Variants in TET2 observed in about 807,000 individuals in gnomAD.
The protein encoded by TET2 is tet methylcytosine dioxygenase 2, also known as methylcytosine dioxygenase TET2.
In TET2, 299 loss-of-function variants were observed where a neutral mutation model predicts 142.9. The ratio of observed to expected loss-of-function variants is 2.09; its 90% CI spans 1.90 to 2.30. The LOEUF (loss-of-function observed/expected upper bound fraction) is 2.30. TET2 is among the 30% of genes most tolerant of loss of function. The pLI is 0.00. For missense variants in TET2, 2,418 were observed against 2,378.0 expected (o/e 1.02, Z -0.35); for synonymous variants, 819 against 849.0 (o/e 0.96, Z 0.61).
In TET2 at chr4:105,237,295, AT is replaced by A; in HGVS notation, c.3356del (p.Leu1119TyrfsTer18). Reference sequence around the variant, plus strand: ...AAATTACTAGATACTCCTATAAAAAATTTATTGGATACACCTGTCAAGACTC... The same window carrying A: ...AAATTACTAGATACTCCTATAAAAAATTATTGGATACACCTGTCAAGACTC... ...PSKLLDTPIK[N>X]LLDTPVKTQY... On this transcript the variant is annotated frameshift_variant, in exon 3 of 11. Coordinates refer to ENST00000380013, the MANE Select transcript of TET2 (RefSeq NM_001127208.3). LOFTEE classifies it high-confidence loss of function. The A allele has an allele frequency of 6.2e-7, 1 of 1,614,148 alleles. No homozygotes were observed. The highest frequency in any genetic ancestry group is 8.5e-7 in the Non-Finnish European group (1 of 1,179,972).
At position 105,278,179 on chromosome 4, in the gene TET2, T is replaced by TATATATATAC. The variant is rs1731305846; in HGVS notation, c.*1669_*1670insCATATATATA. ...AAAAAATTAAATATATACATATATA[T>TATATATATAC]ATATATATATATATATATATATATG... On this transcript the variant is annotated 3_prime_UTR_variant, in exon 11 of 11. Coordinates refer to ENST00000380013, the MANE Select transcript of TET2 (RefSeq NM_001127208.3). 2 of 153,466 alleles carry TATATATATAC rather than the reference T, an allele frequency of 1.3e-5. No individual in the cohort carries two copies. Among genetic ancestry groups the TATATATATAC allele is most frequent in the African/African-American group, 5.4e-5 (2 of 36,998 alleles). The allele number at this position is 153,466 out of a possible 1,614,324, so 9.5% of individuals were successfully genotyped here.
intron 1 of TET2, among the ~76,000 whole-genome samples, chr4:105,155,428 A>G (rs1430103159): frequency 6.6e-6 from 1 of 152,254 alleles, no homozygotes; most frequent in African/African-American, 2.4e-5. Context: ...CATGGCTGCA[A>G]GTATTTACAA....
chr4:105,237,630 T>C lies in TET2; in HGVS notation c.3409+279T>C. 3 of 1,443,646 alleles carry C rather than the reference T, an allele frequency of 2.1e-6. No individual in the cohort carries two copies. In the South Asian group the frequency reaches 4.6e-5, roughly 22 times the overall value. The allele number at this position is 1,443,646 out of a possible 1,614,324, so 89.4% of individuals were successfully genotyped here. On this transcript the variant is annotated intron_variant, in intron 3 of 10. Transcript: ENST00000380013. The stretch of plus-strand genomic sequence containing the variant: ...CCTGTAAAATTTGAATGTATCTGTT[T>C]TAGATCAATTCGCCTATTTAGCTCT...
chr4:105,207,945 G>C (rs1726926431), intron 2 of TET2, among the ~76,000 whole-genome samples: 1 of 152,142 alleles, frequency 6.6e-6, no homozygotes, highest in Non-Finnish European at 1.5e-5. Flanking sequence ...CAGGTTTGGA[G>C]TGAAAGACAG....
chr4:105,225,455 ATGT>A lies in TET2; in HGVS notation c.-46-8438_-46-8436del, dbSNP rs536190154. ...GGTCACTGGTTCTCCTCCCTCAGCA[ATGT>A]TGTAGGTAGCTTTGATGAACATTCG... is the stretch of plus-strand genomic sequence containing the variant. On this transcript the variant is annotated intron_variant, in intron 2 of 10. Coordinates refer to ENST00000380013, the MANE Select transcript of TET2 (RefSeq NM_001127208.3). 7.2e-5 allele frequency among the ~76,000 whole-genome samples: 11 copies of A among 152,184 alleles called. No individual in the cohort carries two copies. The South Asian group carries it at 2.3e-3, about 32-fold the overall frequency.
In TET2 at chr4:105,262,911, G is replaced by T. The variant is rs1042824572; in HGVS notation, c.4044+1063G>T. On this transcript the variant is annotated intron_variant, in intron 8 of 10. Coordinates refer to ENST00000380013, the MANE Select transcript of TET2 (RefSeq NM_001127208.3). ...AAAAAAAAAAATTCATCTTTAACTG[G>T]GTGCGGTAGTTTATGCCTGTAATCC... Among the ~76,000 whole-genome samples, 3 of 151,836 alleles carry T rather than the reference G, an allele frequency of 2.0e-5. No homozygotes were observed. In the East Asian group the frequency reaches 5.8e-4, roughly 29 times the overall value.
At chr4:105,257,966 A>T (rs1239541858) in intron 6 of TET2, among the ~76,000 whole-genome samples, 1 of 152,146 alleles carries the variant, frequency 6.6e-6, no homozygotes, top group Non-Finnish European at 1.5e-5. Context: ...TGTGAATGGG[A>T]CTTTAGAGTA....
intron 3 of TET2, 71 bp from the exon 4 acceptor site, chr4:105,241,268 G>C: frequency 6.9e-7 from 1 of 1,459,660 alleles, no homozygotes; most frequent in Non-Finnish European, 9.0e-7. Flanking sequence ...TGGGGGTTAA[G>C]CTTTGTGGAT....
chr4:105,191,384 T>C (rs1725778684), intron 2 of TET2, among the ~76,000 whole-genome samples: 1 of 152,198 alleles, frequency 6.6e-6, no homozygotes, highest in South Asian at 2.1e-4. Flanking sequence ...TTGTCTAAAA[T>C]GTTTAAGATG....
At chr4:105,201,706 A>G (rs1726479148) in intron 2 of TET2, among the ~76,000 whole-genome samples, 1 of 142,190 alleles carries the variant, frequency 7.0e-6, no homozygotes, top group Admixed American at 7.1e-5. Flanking sequence ...AAATGGTATC[A>G]TTAACAGAAC....
At chr4:105,196,541 T>G (rs984459626) in intron 2 of TET2, among the ~76,000 whole-genome samples, 1 of 152,316 alleles carries the variant, frequency 6.6e-6, no homozygotes, top group African/African-American at 2.4e-5. Flanking sequence ...CTGGTTACTC[T>G]TCAAATTCCT....
At chr4:105,242,694 C>G in intron 4 of TET2, 140 bp from the exon 5 acceptor site, 19 of 1,443,054 alleles carry the variant, frequency 1.3e-5, no homozygotes, top group Non-Finnish European at 1.7e-5. Flanking sequence ...TGGCGTAGAC[C>G]TGTTTAAAAA....
chr4:105,196,032 A>G (rs974474365), intron 2 of TET2, among the ~76,000 whole-genome samples: 2 of 152,176 alleles, frequency 1.3e-5, no homozygotes, highest in African/African-American at 4.8e-5. Flanking sequence ...TTCAACCTGT[A>G]GACCAAGAAC....
At chr4:105,184,959 A>G (rs1725339560) in intron 1 of TET2, among the ~76,000 whole-genome samples, 1 of 152,318 alleles carries the variant, frequency 6.6e-6, no homozygotes, top group South Asian at 2.1e-4. Context: ...GTGTACTAAT[A>G]TCACAAAGGG....
intron 1 of TET2, among the ~76,000 whole-genome samples, chr4:105,163,852 A>AGTGTGTGT (rs1243395829): frequency 1.9e-5 from 2 of 105,816 alleles, no homozygotes; most frequent in Non-Finnish European, 4.0e-5. Context: ...AGAGAGAGAG[A>AGTGTGTGT]GAGTGTGTGT....
At chr4:105,161,898 G>A (rs1483178715) in intron 1 of TET2, among the ~76,000 whole-genome samples, 1 of 152,080 alleles carries the variant, frequency 6.6e-6, no homozygotes, top group Non-Finnish European at 1.5e-5. Context: ...TAGGCTGTTC[G>A]TCTTTTTTCA....
At chr4:105,150,600 A>G (rs557029726) in intron 1 of TET2, among the ~76,000 whole-genome samples, 8 of 152,246 alleles carry the variant, frequency 5.3e-5, no homozygotes, top group Non-Finnish European at 7.3e-5. Context: ...TCCCAAGCCA[A>G]CTTTACAATT....
At chr4:105,232,000 A>G (rs1728535999) in intron 2 of TET2, among the ~76,000 whole-genome samples, 1 of 152,140 alleles carries the variant, frequency 6.6e-6, no homozygotes, top group South Asian at 2.1e-4. Context: ...GTAGTACTTA[A>G]TAGGTAGTTT....
rs2110223826 is a variant in TET2 at position 105,234,913 on chromosome 4, A to G, written c.971A>G (p.Gln324Arg). ...TTTCAGAAACCAGAACAACTACAACAACAAAAATCAGTTTTTGAGATATGC... is the reference window on the plus strand; with the variant it reads ...TTTCAGAAACCAGAACAACTACAACGACAAAAATCAGTTTTTGAGATATGC... ...CSFQKPEQLQ[Q>R]QKSVFEICPS... Residue 324 changes from glutamine to arginine, a missense_variant, in exon 3 of 11, where the codon CAA becomes CGA. Coordinates refer to ENST00000380013, the MANE Select transcript of TET2 (RefSeq NM_001127208.3). The G allele has an allele frequency of 6.2e-7, 1 of 1,614,110 alleles. No homozygotes were observed. Among genetic ancestry groups the G allele is most frequent in the East Asian group, 2.2e-5 (1 of 44,860 alleles).
Sources: gnomAD v4.1 joint callset for allele counts (sites outside exome capture counted in the v4.1 genomes callset) on GRCh38, gnomAD v4.1.1 for gene constraint, MANE v1.5 for transcripts, NCBI Gene and HGNC (gene_info 2026-07-23, HGNC 2026-07-21) for gene names.